The following SCAMP2 variants were observed in gnomAD, a reference collection of about 807,000 sequenced individuals.
SCAMP2 encodes secretory carrier membrane protein 2.
SCAMP2 carries 25 observed loss-of-function variants against 44.1 expected under a neutral mutation model. The observed-to-expected ratio is 0.57, with a 90% CI of 0.41 to 0.79. SCAMP2 has a LOEUF of 0.79. SCAMP2 is among the 30% of genes least tolerant of loss of function. SCAMP2 has a pLI of 0.00. For synonymous variants in SCAMP2, 156 were observed against 166.0 expected, an observed-to-expected ratio of 0.94 and a Z score of 0.46; for missense variants, 355 against 411.0, an observed-to-expected ratio of 0.86 and a Z score of 1.18.
At chr15:74,858,881 C>A (rs1217359425) in intron 1 of SCAMP2, among the ~76,000 whole-genome samples, 2 of 143,296 alleles carry the variant, frequency 1.4e-5, no homozygotes, top group African/African-American at 5.2e-5. Flanking sequence ...GGCGCGATCT[C>A]AGCTCACTGC....
In SCAMP2 at chr15:74,848,633, A is replaced by C. The variant is rs2064414761; in HGVS notation, c.701T>G (p.Ile234Ser). Residue 234 changes from isoleucine to serine, a missense_variant, in exon 7 of 9, where the codon ATC (isoleucine) becomes AGC (serine). Coordinates refer to ENST00000268099, the MANE Select transcript of SCAMP2 (RefSeq NM_005697.5). ...CAGGCCAGGGATGCCAACCAACTGGATGATGTAGATCCCTATTTGACAAAA... is the reference window on the plus strand; with the variant it reads ...CAGGCCAGGGATGCCAACCAACTGGCTGATGTAGATCCCTATTTGACAAAA... ...VFFCQIGIYI[I>S]QLVGIPGLGD... 5 of 1,613,404 alleles carry C rather than the reference A, an allele frequency of 3.1e-6. No homozygotes were observed. The highest frequency in any genetic ancestry group is 4.2e-6 in the Non-Finnish European group (5 of 1,179,366).
At chr15:74,871,571 G>A (rs1395308842) in intron 1 of SCAMP2, among the ~76,000 whole-genome samples, 1 of 152,032 alleles carries the variant, frequency 6.6e-6, no homozygotes, top group Non-Finnish European at 1.5e-5. Flanking sequence ...TGACCAACGT[G>A]GAGAAACCCC....
In SCAMP2 at chr15:74,845,087, T is replaced by C. The variant is rs373991079; in HGVS notation, c.986A>G (p.Asn329Ser). The C allele has an allele frequency of 2.4e-5, 38 of 1,612,378 alleles. No homozygotes were observed. The highest frequency in any genetic ancestry group is 3.2e-5 in the Non-Finnish European group (38 of 1,178,990). Residue 329 changes from asparagine to serine, a missense_variant, in exon 9 of 9, where the codon AAT (asparagine) becomes AGT (serine). Transcript: ENST00000268099. ...GGGGGAGAGAAGAGAGGAGGACTAA[T>C]TCCCCTGGAAGGCTCCTTGGGCAGC... ...SSAAQGAFQG[N>S]
intron 1 of SCAMP2, among the ~76,000 whole-genome samples, chr15:74,869,835 C>T (rs1382828531): frequency 6.6e-6 from 1 of 152,186 alleles, no homozygotes; most frequent in Non-Finnish European, 1.5e-5. Context: ...AGTCTATCGC[C>T]TCTCCACCTG....
In SCAMP2 at chr15:74,873,258, T is replaced by C. The variant is rs1448115125; in HGVS notation, c.-3A>G. ...GGGTTGGTGTCGAAAGCCGACATGG[T>C]GATCGGGGGCCAGCGGGCGAACTCC... On this transcript the variant is annotated 5_prime_UTR_variant, in exon 1 of 9. Coordinates refer to ENST00000268099, the MANE Select transcript of SCAMP2 (RefSeq NM_005697.5). 6.8e-7 allele frequency: 1 copy of C among 1,473,738 alleles called. No individual in the cohort carries two copies. 91.3% of individuals were successfully genotyped at this position (1,473,738 alleles called of 1,614,324 possible).
intron 1 of SCAMP2, among the ~76,000 whole-genome samples, chr15:74,870,397 C>T (rs2064567807): frequency 6.6e-6 from 1 of 152,128 alleles, no homozygotes; most frequent in Admixed American, 6.6e-5. Context: ...CAGCAGCAGA[C>T]TTTTTATTTC....
chr15:74,873,105 C>G, intron 1 of SCAMP2, 94 bp downstream of exon 1: 1 of 1,154,914 alleles, frequency 8.7e-7, no homozygotes, highest in African/African-American at 1.6e-5. Context: ...CCCGTCCCTC[C>G]TACGCCACGT....
intron 1 of SCAMP2, among the ~76,000 whole-genome samples, chr15:74,859,495 G>A (rs1226949816): frequency 1.3e-5 from 2 of 152,124 alleles, no homozygotes; most frequent in Admixed American, 1.3e-4. Context: ...AGATCAGTAA[G>A]GCCCCCCACC....
rs899804865 is a variant in SCAMP2, at chr15:74,873,319, G to A, written c.-64C>T. On this transcript the variant is annotated 5_prime_UTR_variant, in exon 1 of 9. Transcript: ENST00000268099. ...CTGCCTCCGGGCACCCAGACCCAGC[G>A]GCGCTTCGTGTAGACCCTCCACTTC... is the stretch of plus-strand genomic sequence containing the variant. 7.5e-5 allele frequency: 107 copies of A among 1,425,420 alleles called. No homozygotes were observed. Among genetic ancestry groups the A allele is most frequent in the Non-Finnish European group, 9.8e-5 (106 of 1,081,772 alleles). 88.3% of individuals were successfully genotyped at this position (1,425,420 alleles called of 1,614,324 possible).
At chr15:74,869,153 CA>C (rs1224676573) in intron 1 of SCAMP2, among the ~76,000 whole-genome samples, 1 of 151,974 alleles carries the variant, frequency 6.6e-6, no homozygotes, top group Non-Finnish European at 1.5e-5. Context: ...AACACCATCT[CA>C]AAAAACATAA....
intron 8 of SCAMP2, 104 bp downstream of exon 8, chr15:74,845,369 G>A (rs770910702): frequency 8.2e-6 from 13 of 1,592,962 alleles, no homozygotes; most frequent in African/African-American, 1.3e-5. Context: ...ACCTTTGGGG[G>A]CCTAGGATGC....
chr15:74,845,526 C>G lies in SCAMP2; in HGVS notation c.802G>C (p.Val268Leu). Reference protein sequence around the residue: ...SLAISVIMMVVAGFFTLCAVL... With the variant: ...SLAISVIMMVLAGFFTLCAVL... Reference sequence around the variant, plus strand: ...GCACAGAGGGTGAAGAAGCCAGCCACCACCATCATGATGACTGATATGGCC... The same window carrying G: ...GCACAGAGGGTGAAGAAGCCAGCCAGCACCATCATGATGACTGATATGGCC... Residue 268 changes from valine to leucine, a missense_variant, in exon 8 of 9, where the codon GTG (valine) becomes CTG (leucine). By Grantham distance (32) the Val-to-Leu change is conservative. Transcript: ENST00000268099. The G allele has an allele frequency of 6.2e-7, 1 of 1,614,166 alleles. No individual in the cohort carries two copies. Among genetic ancestry groups the G allele is most frequent in the Non-Finnish European group, 8.5e-7 (1 of 1,180,028 alleles).
chr15:74,845,028 G>C lies in SCAMP2; in HGVS notation c.*55C>G. 1 of 1,580,824 alleles carries C rather than the reference G, an allele frequency of 6.3e-7. No individual in the cohort carries two copies. The highest frequency in any genetic ancestry group is 8.6e-7 in the Non-Finnish European group (1 of 1,158,566). Reference sequence around the variant, plus strand: ...CCACCACATAAGGCACCCACGGAAAGTGCAGCTCAGAAGGCAGGCGAGAGA... The same window carrying C: ...CCACCACATAAGGCACCCACGGAAACTGCAGCTCAGAAGGCAGGCGAGAGA... On this transcript the variant is annotated 3_prime_UTR_variant, in exon 9 of 9. Coordinates refer to ENST00000268099, the MANE Select transcript of SCAMP2 (RefSeq NM_005697.5).
chr15:74,871,020 C>T (rs929267749), intron 1 of SCAMP2, among the ~76,000 whole-genome samples: 1 of 152,184 alleles, frequency 6.6e-6, no homozygotes, highest in African/African-American at 2.4e-5. Flanking sequence ...ATTCACCAGT[C>T]AGCACAAACA....
rs1596414743 is a variant in SCAMP2, at chr15:74,850,447, A to G, written c.632+67T>C. ...AGACTCAGATGGGGTCCCAGGGCCT[A>G]TAGCCCTTAGCCTGCTACCTGGGAT... On this transcript the variant is annotated intron_variant, in intron 6 of 8. Transcript: ENST00000268099. 4.9e-6 allele frequency: 7 copies of G among 1,434,062 alleles called. 1 individual carries two copies. The highest frequency in any genetic ancestry group is 2.4e-5 in the South Asian group (2 of 85,056). The allele number at this position is 1,434,062 out of a possible 1,614,324, so 88.8% of individuals were successfully genotyped here. A position where few individuals can be genotyped will look rare whatever the true frequency, so the allele number is the denominator to read the frequency against.
At chr15:74,851,146 C>T (rs28593766) in intron 5 of SCAMP2, among the ~76,000 whole-genome samples, 2,055 of 152,214 alleles carry the variant, frequency 0.014, 41 homozygotes, top group African/African-American at 0.047. Context: ...CCTCCCTGAT[C>T]GGTGGTCTGG....
intron 2 of SCAMP2, 86 bp from the exon 3 acceptor site, chr15:74,854,205 G>T: frequency 2.5e-6 from 3 of 1,207,764 alleles, no homozygotes; most frequent in Non-Finnish European, 3.7e-6. Flanking sequence ...GATGAGTGAT[G>T]TGCCCCTGCC....
intron 1 of SCAMP2, among the ~76,000 whole-genome samples, chr15:74,865,806 C>G (rs1411392821): frequency 1.3e-5 from 1 of 75,022 alleles, no homozygotes; most frequent in African/African-American, 4.6e-5. Context: ...AAAAAAAAAG[C>G]CAGGCACGAT....
chr15:74,857,710 T>C (rs908587221), intron 1 of SCAMP2, among the ~76,000 whole-genome samples: 12 of 151,966 alleles, frequency 7.9e-5, no homozygotes, highest in African/African-American at 2.9e-4. Context: ...TCCACTCTGA[T>C]CCCTCCCTTT....
Sources: allele counts gnomAD v4.1 joint callset (sites outside exome capture counted in the v4.1 genomes callset), GRCh38; gene constraint gnomAD v4.1.1; transcripts MANE v1.5; gene names NCBI Gene and HGNC (gene_info 2026-07-23, HGNC 2026-07-21).